LRFN2: variants seen among roughly 807,000 people sequenced by gnomAD.
LRFN2 encodes the protein leucine rich repeat and fibronectin type III domain containing 2.
Under a neutral mutation model 37.3 loss-of-function variants are expected in LRFN2, and 18 were observed. That is an observed-to-expected ratio of 0.48 (90% CI 0.33 to 0.72). The LOEUF (loss-of-function observed/expected upper bound fraction) is 0.72. Among genes scored for constraint, LRFN2 ranks in the 30% least tolerant of loss-of-function variants. LRFN2 has a pLI of 0.02. For synonymous variants in LRFN2, 556 were observed against 466.6 expected (o/e 1.19, Z -2.47); for missense variants, 1,006 against 1,060.7 (o/e 0.95, Z 0.72).
chr6:40,442,950 T>C (rs1581709429), intron 1 of LRFN2, among the ~76,000 whole-genome samples: 1 of 152,346 alleles, frequency 6.6e-6, no homozygotes, highest in Non-Finnish European at 1.5e-5. Flanking sequence ...CACCCTGCCC[T>C]GTTATTATGT....
At chr6:40,518,115 G>T (rs1169387978) in intron 1 of LRFN2, among the ~76,000 whole-genome samples, 1 of 152,170 alleles carries the variant, frequency 6.6e-6, no homozygotes, top group African/African-American at 2.4e-5. Flanking sequence ...TGAATGCCTA[G>T]CTCCCTCTGG....
intron 2 of LRFN2, among the ~76,000 whole-genome samples, chr6:40,424,958 G>A (rs558274076): frequency 2.0e-5 from 3 of 152,346 alleles, no homozygotes; most frequent in Admixed American, 1.3e-4. Context: ...TTTTCATGGG[G>A]TAGGCCACAG....
intron 2 of LRFN2, among the ~76,000 whole-genome samples, chr6:40,416,146 T>C (rs1202504462): frequency 6.6e-6 from 1 of 152,182 alleles, no homozygotes; most frequent in Admixed American, 6.5e-5. Flanking sequence ...GTAGCTGGGA[T>C]TACAGGCATG....
chr6:40,510,632 A>T (rs1765679997), intron 1 of LRFN2, among the ~76,000 whole-genome samples: 1 of 152,236 alleles, frequency 6.6e-6, no homozygotes, highest in Non-Finnish European at 1.5e-5. Flanking sequence ...GGGAGTTTAC[A>T]TTCAAACACA....
Position 40,473,722 on chromosome 6 carries a change from T to C in LRFN2, c.-18-40591A>G, listed in dbSNP as rs560625527. ...ATGCATTAGGTATTTGTCCTAATGC[T>C]CTCCCTCCCCTTGCCCCACAACCCC... is the stretch of plus-strand genomic sequence containing the variant. On this transcript the variant is annotated intron_variant, in intron 1 of 2. Coordinates refer to ENST00000338305, the MANE Select transcript of LRFN2 (RefSeq NM_020737.3). Among the ~76,000 whole-genome samples the C allele has an allele frequency of 1.8e-4, 27 of 152,106 alleles. 1 individual carries two copies. The East Asian group carries it at 3.9e-3, about 22-fold the overall frequency.
At chr6:40,489,108 T>C (rs777305865) in intron 1 of LRFN2, among the ~76,000 whole-genome samples, 1 of 152,122 alleles carries the variant, frequency 6.6e-6, no homozygotes, top group Non-Finnish European at 1.5e-5. Flanking sequence ...TAGGCACACA[T>C]ACACCTCACA....
intron 2 of LRFN2, among the ~76,000 whole-genome samples, chr6:40,396,763 T>A (rs1762625668): frequency 6.6e-6 from 1 of 151,418 alleles, no homozygotes; most frequent in Non-Finnish European, 1.5e-5. Flanking sequence ...TGTGTGTGTG[T>A]TGGCGGTAGG....
At chr6:40,535,133 G>A (rs1766424208) in intron 1 of LRFN2, among the ~76,000 whole-genome samples, 1 of 152,188 alleles carries the variant, frequency 6.6e-6, no homozygotes, top group South Asian at 2.1e-4. Flanking sequence ...AGAAGAGAGA[G>A]TTTCTATAGC....
chr6:40,560,525 C>T (rs769434648), intron 1 of LRFN2, among the ~76,000 whole-genome samples: 1 of 152,182 alleles, frequency 6.6e-6, no homozygotes, highest in Non-Finnish European at 1.5e-5. Context: ...GTTTGAAATG[C>T]TGTCTGGATC....
At chr6:40,505,484 A>C (rs1765508172) in intron 1 of LRFN2, among the ~76,000 whole-genome samples, 1 of 152,228 alleles carries the variant, frequency 6.6e-6, no homozygotes, top group African/African-American at 2.4e-5. Context: ...ATAAAGTCAC[A>C]ACTCTAAAGT....
chr6:40,401,901 G>A (rs570662971), intron 2 of LRFN2, among the ~76,000 whole-genome samples: 83 of 152,204 alleles, frequency 5.5e-4, no homozygotes, highest in Non-Finnish European at 9.4e-4. Context: ...TAATTTGGAA[G>A]GGCCACATCA....
At chr6:40,573,061 C>T (rs1428101743) in intron 1 of LRFN2, among the ~76,000 whole-genome samples, 1 of 152,186 alleles carries the variant, frequency 6.6e-6, no homozygotes, top group Non-Finnish European at 1.5e-5. Flanking sequence ...GCATCCTGCC[C>T]ATTTATCAAA....
intron 1 of LRFN2, among the ~76,000 whole-genome samples, chr6:40,453,904 CAA>C (rs1764177265): frequency 6.6e-6 from 1 of 152,140 alleles, no homozygotes; most frequent in South Asian, 2.1e-4. Context: ...TCATCAGATT[CAA>C]AACACCAGCT....
At chr6:40,397,094 G>C (rs1762632105) in intron 2 of LRFN2, among the ~76,000 whole-genome samples, 1 of 152,148 alleles carries the variant, frequency 6.6e-6, no homozygotes, top group South Asian at 2.1e-4. Flanking sequence ...GCAACCAACA[G>C]ACAAATTGCA....
At chr6:40,527,254 C>T (rs1766271337) in intron 1 of LRFN2, among the ~76,000 whole-genome samples, 2 of 152,180 alleles carry the variant, frequency 1.3e-5, no homozygotes, top group Admixed American at 1.3e-4. Flanking sequence ...CCAGGGCCTT[C>T]TCTAACAATG....
chr6:40,463,670 A>ATTTTTTT (rs66745321), intron 1 of LRFN2, among the ~76,000 whole-genome samples: 1,155 of 76,520 alleles, frequency 0.015, 58 homozygotes, highest in Admixed American at 0.029. Context: ...CTTTCTTTCT[A>ATTTTTTT]TTTTTTTTTT....
chr6:40,542,490 A>T (rs146145927), intron 1 of LRFN2, among the ~76,000 whole-genome samples: 1 of 151,498 alleles, frequency 6.6e-6, no homozygotes, highest in African/African-American at 2.4e-5. Flanking sequence ...GAGCACCGAG[A>T]TACACAGACA....
rs1766248972 is a variant in LRFN2 at position 40,526,116 on chromosome 6, A to C, written c.-19+60825T>G. On this transcript the variant is annotated intron_variant, in intron 1 of 2. Coordinates refer to ENST00000338305, the MANE Select transcript of LRFN2 (RefSeq NM_020737.3). ...CTTATGGGCTGACTGCGTAATTTGCACAATAATCTCTGCAACAAGAGTGCT... is the reference window on the plus strand; with the variant it reads ...CTTATGGGCTGACTGCGTAATTTGCCCAATAATCTCTGCAACAAGAGTGCT... Among the ~76,000 whole-genome samples the C allele has an allele frequency of 4.6e-5, 7 of 152,240 alleles. No homozygotes were observed. The South Asian group carries it at 1.4e-3, about 32-fold the overall frequency.
intron 1 of LRFN2, among the ~76,000 whole-genome samples, chr6:40,526,611 G>A (rs974623069): frequency 1.3e-5 from 2 of 152,140 alleles, no homozygotes; most frequent in African/African-American, 4.8e-5. Flanking sequence ...TCCACTGTGA[G>A]GGCTAGGCCA....
Sources: allele counts gnomAD v4.1 joint callset (sites outside exome capture counted in the v4.1 genomes callset), GRCh38; gene constraint gnomAD v4.1.1; transcripts MANE v1.5; gene names NCBI Gene and HGNC (gene_info 2026-07-23, HGNC 2026-07-21).